The following DGKI variants were observed in gnomAD, a reference collection of about 807,000 sequenced individuals.
The protein encoded by DGKI is DAG kinase iota.
DGKI carries 55 observed loss-of-function variants against 147.5 expected under a neutral mutation model. That is an observed-to-expected ratio of 0.37 (90% CI 0.30 to 0.47). The LOEUF (loss-of-function observed/expected upper bound fraction) is 0.47, where lower values mean the gene tolerates loss of function less well. Among genes scored for constraint, DGKI ranks in the 20% least tolerant of loss-of-function variants. The pLI is 1.00. For missense variants in DGKI, 1,007 were observed against 1,323.8 expected (o/e 0.76, Z 3.71); for synonymous variants, 469 against 477.1 (o/e 0.98, Z 0.22).
chr7:137,542,636 C>T (rs1817740720), intron 20 of DGKI, among the ~76,000 whole-genome samples: 1 of 152,100 alleles, frequency 6.6e-6, no homozygotes, highest in Non-Finnish European at 1.5e-5. Flanking sequence ...CATCATGAGG[C>T]AGCTCTTTTG....
At chr7:137,461,635 G>T (rs944773292) in intron 27 of DGKI, among the ~76,000 whole-genome samples, 1 of 152,170 alleles carries the variant, frequency 6.6e-6, no homozygotes, top group African/African-American at 2.4e-5. Flanking sequence ...TTCAGACTGA[G>T]CCTAGTAGAG....
chr7:137,781,396 C>A (rs1310787591), intron 1 of DGKI, among the ~76,000 whole-genome samples: 2 of 152,210 alleles, frequency 1.3e-5, no homozygotes, highest in Non-Finnish European at 2.9e-5. Flanking sequence ...ACTTACATAT[C>A]TGCTAGATTC....
intron 12 of DGKI, among the ~76,000 whole-genome samples, chr7:137,588,301 G>A (rs1451207907): frequency 6.6e-6 from 1 of 151,830 alleles, no homozygotes; most frequent in Non-Finnish European, 1.5e-5. Flanking sequence ...TTCTATATTT[G>A]TACGAGTCAT....
At chr7:137,519,661 C>T (rs1025596403) in intron 21 of DGKI, among the ~76,000 whole-genome samples, 1 of 151,924 alleles carries the variant, frequency 6.6e-6, no homozygotes, top group South Asian at 2.1e-4. Flanking sequence ...TGTCTTTATA[C>T]TCAGTTTGAG....
chr7:137,436,188 T>A (rs116180377), intron 28 of DGKI, among the ~76,000 whole-genome samples: 2,420 of 152,228 alleles, frequency 0.016, 68 homozygotes, highest in African/African-American at 0.055. Context: ...CTCTACTATT[T>A]AAAAAAATGA....
Position 137,736,000 on chromosome 7 carries a change from C to T in DGKI, c.402-45998G>A, listed in dbSNP as rs145270076. Among the ~76,000 whole-genome samples the T allele has an allele frequency of 3.9e-4, 59 of 152,144 alleles. 1 individual carries two copies. In the East Asian group the frequency reaches 0.011, roughly 27 times the overall value. On this transcript the variant is annotated intron_variant, in intron 1 of 32. Transcript: ENST00000614521. ...ACAGTGGCTGAAAATGACAGTAGGA[C>T]CATAACCTGAGCACTGGACACAGGG...
intron 1 of DGKI, among the ~76,000 whole-genome samples, chr7:137,768,445 G>T (rs555615965): frequency 1.3e-5 from 2 of 152,046 alleles, no homozygotes; most frequent in African/African-American, 2.4e-5. Flanking sequence ...AAATAGCTTC[G>T]TCACACTGAG....
intron 32 of DGKI, among the ~76,000 whole-genome samples, chr7:137,393,516 A>G (rs1397685167): frequency 2.0e-5 from 3 of 152,220 alleles, no homozygotes; most frequent in Non-Finnish European, 4.4e-5. Context: ...ACCTGGCTCC[A>G]TTAATCCTGA....
intron 28 of DGKI, among the ~76,000 whole-genome samples, chr7:137,429,227 A>G (rs1443730495): frequency 6.6e-6 from 1 of 151,540 alleles, no homozygotes; most frequent in African/African-American, 2.4e-5. Flanking sequence ...GGAACAGAAC[A>G]GGGCCCTCAG....
intron 23 of DGKI, among the ~76,000 whole-genome samples, chr7:137,477,486 A>G (rs1161009145): frequency 2.6e-5 from 4 of 152,200 alleles, no homozygotes; most frequent in Non-Finnish European, 5.9e-5. Context: ...CCATCCATAG[A>G]AACAGCATTA....
Position 137,485,397 on chromosome 7 carries a change from C to A in DGKI, c.2350G>T (p.Gly784Cys). The change falls in exon 23 of 33, where the codon GGC (glycine) becomes TGC (cysteine). Residue 784 changes from glycine to cysteine, a missense_variant. Transcript: ENST00000614521. The stretch of plus-strand genomic sequence containing the variant: ...ACCTGGTAATGAACTCTCTGGGAGC[C>A]AGAAGAAACTGACTGTAGGTCCTAA... The part of the protein sequence containing the change: ...LQEDLQSVSS[G>C]SQRVHYQDHE... 1 of 1,608,598 alleles carries A rather than the reference C, an allele frequency of 6.2e-7. No individual in the cohort carries two copies.
chr7:137,609,104 G>A, intron 9 of DGKI, 40 bp from the exon 10 acceptor site: 5 of 1,532,778 alleles, frequency 3.3e-6, no homozygotes, highest in Non-Finnish European at 4.5e-6. Context: ...ACACATCCAT[G>A]GCTTGAAAGG....
chr7:137,548,402 G>A (rs1317506156), intron 20 of DGKI, among the ~76,000 whole-genome samples: 1 of 152,156 alleles, frequency 6.6e-6, no homozygotes, highest in Non-Finnish European at 1.5e-5. Context: ...TTGGGTCATG[G>A]GGGCAGATCC....
At chr7:137,809,914 A>T (rs1314121234) in intron 1 of DGKI, among the ~76,000 whole-genome samples, 1 of 151,728 alleles carries the variant, frequency 6.6e-6, no homozygotes, top group African/African-American at 2.4e-5. Flanking sequence ...AAAAAAAAAA[A>T]TCCACATAAG....
chr7:137,404,067 C>T (rs1056957159), intron 30 of DGKI, among the ~76,000 whole-genome samples: 10 of 152,022 alleles, frequency 6.6e-5, no homozygotes, highest in Non-Finnish European at 1.0e-4. Context: ...GAGAGATCAC[C>T]TTAAGAAGGT....
Position 137,846,548 on chromosome 7 carries a change from C to G in DGKI, c.315G>C (p.Glu105Asp). ...TCTCCTTCTGGCCGGCGGCCGCGGG[C>G]TCGTCCAGGGCAGCGGCCCCCGCCG... ...AAAAGAAALD[E>D]PAAAGQKEKD... is the part of the protein sequence containing the mutation. Residue 105 changes from glutamate to aspartate, a missense_variant, in exon 1 of 33, where the codon GAG (glutamate) becomes GAC (aspartate). By Grantham distance (45) the Glu-to-Asp change is conservative. Transcript: ENST00000614521. The surrounding 1 kb of genome is among the most constrained non-coding windows in gnomAD (Gnocchi z 4.0). 6.5e-7 allele frequency: 1 copy of G among 1,538,786 alleles called. No homozygotes were observed. Among genetic ancestry groups the G allele is most frequent in the African/African-American group, 1.4e-5 (1 of 71,088 alleles).
At chr7:137,562,061 T>C (rs1818436134) in intron 19 of DGKI, among the ~76,000 whole-genome samples, 1 of 152,142 alleles carries the variant, frequency 6.6e-6, no homozygotes, top group Non-Finnish European at 1.5e-5. Flanking sequence ...TGACGCCAGA[T>C]GGAAACTTGG....
chr7:137,560,489 C>T (rs544934572), intron 19 of DGKI, among the ~76,000 whole-genome samples: 1 of 152,300 alleles, frequency 6.6e-6, no homozygotes, highest in Admixed American at 6.5e-5. Context: ...AAGAAAACCA[C>T]TGTGGTGGGC....
chr7:137,401,252 T>C lies in DGKI; in HGVS notation c.2921-3839A>G, dbSNP rs144237389. ...CAAGAGAGAAAAAAATAAAGACTAG[T>C]CAGGCACGGTGGTTCACGTCTGTAA... On this transcript the variant is annotated intron_variant, in intron 30 of 32. Coordinates refer to ENST00000614521, the MANE Select transcript of DGKI (RefSeq NM_001321708.2). Among the ~76,000 whole-genome samples, 3 of 151,958 alleles carry C rather than the reference T, an allele frequency of 2.0e-5. No homozygotes were observed. The East Asian group carries it at 5.8e-4, about 29-fold the overall frequency.
Sources: gnomAD v4.1 joint callset for allele counts (sites outside exome capture counted in the v4.1 genomes callset) on GRCh38, gnomAD v4.1.1 for gene constraint, Gnocchi (gnomAD v3.1) non-coding constraint, MANE v1.5 for transcripts, NCBI Gene and HGNC (gene_info 2026-07-23, HGNC 2026-07-21) for gene names.